Variants in EYA2 observed in about 807,000 individuals in gnomAD.
The protein encoded by EYA2 is protein phosphatase EYA2.
In EYA2, 31 loss-of-function variants were observed where a neutral mutation model predicts 69.2. That is an observed-to-expected ratio of 0.45 (90% CI 0.34 to 0.60). The LOEUF (loss-of-function observed/expected upper bound fraction) is 0.60. Among genes scored for constraint, EYA2 ranks in the 20% least tolerant of loss-of-function variants. EYA2 has a pLI of 0.02. For missense variants in EYA2, 622 were observed against 701.2 expected (o/e 0.89, Z 1.28); for synonymous variants, 257 against 279.4 (o/e 0.92, Z 0.80).
chr20:47,090,388 C>T (rs62201363), intron 8 of EYA2, among the ~76,000 whole-genome samples: 13,666 of 152,096 alleles, frequency 0.09, 808 homozygotes, highest in Middle Eastern at 0.16. Flanking sequence ...TACAGGTGCA[C>T]GCCACCATGC....
At chr20:46,898,214 G>C (rs1016189573) in intron 1 of EYA2, among the ~76,000 whole-genome samples, 1 of 148,656 alleles carries the variant, frequency 6.7e-6, no homozygotes, top group Non-Finnish European at 1.5e-5. Flanking sequence ...ACTGGGTTTT[G>C]TTGGTGGAAG....
chr20:46,927,238 G>A (rs1005445843), intron 1 of EYA2, among the ~76,000 whole-genome samples: 2 of 152,198 alleles, frequency 1.3e-5, no homozygotes, highest in African/African-American at 4.8e-5. Context: ...CCCTCAGTCA[G>A]GAAAATTACC....
chr20:47,137,447 A>G (rs947651729), intron 9 of EYA2, among the ~76,000 whole-genome samples: 1 of 152,174 alleles, frequency 6.6e-6, no homozygotes, highest in Non-Finnish European at 1.5e-5. Context: ...CCTCACTGCA[A>G]TGTTAGGTCT....
chr20:47,030,905 C>T (rs981387762), intron 5 of EYA2, among the ~76,000 whole-genome samples: 1 of 152,180 alleles, frequency 6.6e-6, no homozygotes, highest in African/African-American at 2.4e-5. Flanking sequence ...TACAGGTGCA[C>T]ACCAGGCTGC....
At chr20:47,007,807 C>CG (rs1325738445) in intron 4 of EYA2, among the ~76,000 whole-genome samples, 10 of 151,370 alleles carry the variant, frequency 6.6e-5, no homozygotes, top group Admixed American at 5.3e-4. Flanking sequence ...TTTGTAGAGA[C>CG]GGGGGGTGGG....
At chr20:47,099,208 C>T (rs1362229914) in intron 9 of EYA2, among the ~76,000 whole-genome samples, 1 of 152,220 alleles carries the variant, frequency 6.6e-6, no homozygotes, top group Non-Finnish European at 1.5e-5. Context: ...GCGTTGAAGG[C>T]TTTTCCTGGA....
At chr20:46,985,695 A>T (rs898333712) in intron 1 of EYA2, among the ~76,000 whole-genome samples, 2 of 152,210 alleles carry the variant, frequency 1.3e-5, no homozygotes, top group Non-Finnish European at 2.9e-5. Flanking sequence ...TGGAGCCCAT[A>T]TGCCTTGACT....
intron 5 of EYA2, among the ~76,000 whole-genome samples, chr20:47,049,860 A>ACCCC (rs57648069): frequency 1.3e-4 from 17 of 126,308 alleles, no homozygotes; most frequent in African/African-American, 3.3e-4. Flanking sequence ...TCTGTGACAG[A>ACCCC]CCCCCCCCCC....
At chr20:46,960,877 G>A (rs1336148032) in intron 1 of EYA2, among the ~76,000 whole-genome samples, 2 of 152,250 alleles carry the variant, frequency 1.3e-5, no homozygotes, top group East Asian at 3.9e-4. Flanking sequence ...TGCTGGAGCA[G>A]CAGCACATCA....
chr20:47,007,340 G>A (rs1982779578), intron 4 of EYA2, among the ~76,000 whole-genome samples: 2 of 152,328 alleles, frequency 1.3e-5, no homozygotes, highest in Middle Eastern at 3.4e-3. Context: ...AATAAGGAGC[G>A]AAATTCAGCT....
intron 1 of EYA2, among the ~76,000 whole-genome samples, chr20:46,912,695 T>C (rs1984704351): frequency 6.7e-6 from 1 of 148,648 alleles, no homozygotes; most frequent in African/African-American, 2.5e-5. Context: ...TAATTTTTTT[T>C]TTTTTTCTTT....
At chr20:47,025,958 G>T (rs1568731578) in intron 5 of EYA2, among the ~76,000 whole-genome samples, 1 of 152,212 alleles carries the variant, frequency 6.6e-6, no homozygotes, top group Non-Finnish European at 1.5e-5. Flanking sequence ...TGACTGATTT[G>T]TATTTCCTTT....
At chr20:46,952,215 C>A (rs1412267868) in intron 1 of EYA2, among the ~76,000 whole-genome samples, 1 of 151,890 alleles carries the variant, frequency 6.6e-6, no homozygotes, top group African/African-American at 2.4e-5. Flanking sequence ...CTGAGAGGGG[C>A]AGGGAGAGCC....
intron 5 of EYA2, among the ~76,000 whole-genome samples, chr20:47,065,068 T>C (rs1210031129): frequency 2.0e-5 from 3 of 152,188 alleles, no homozygotes; most frequent in Non-Finnish European, 2.9e-5. Context: ...AACTCCCCTT[T>C]ATAAAACCAT....
At chr20:47,148,058 CAAA>C (rs1264883844) in intron 10 of EYA2, among the ~76,000 whole-genome samples, 6 of 82,796 alleles carry the variant, frequency 7.2e-5, no homozygotes, top group Non-Finnish European at 7.3e-5. Flanking sequence ...GACTCTGTCT[CAAA>C]AAAAAAAAAA....
intron 10 of EYA2, among the ~76,000 whole-genome samples, chr20:47,151,170 T>G (rs1237630879): frequency 6.6e-6 from 1 of 151,918 alleles, no homozygotes; most frequent in Admixed American, 6.6e-5. Flanking sequence ...CAGGAGTTCA[T>G]GACCAGCCTG....
At chr20:46,948,280 G>A (rs955409962) in intron 1 of EYA2, among the ~76,000 whole-genome samples, 7 of 152,168 alleles carry the variant, frequency 4.6e-5, no homozygotes, top group African/African-American at 1.7e-4. Context: ...CAGTTGTCAC[G>A]TAAAAACAGT....
At chr20:46,908,454 C>G (rs1487950815) in intron 1 of EYA2, among the ~76,000 whole-genome samples, 1 of 152,212 alleles carries the variant, frequency 6.6e-6, no homozygotes. Context: ...AAGATGAGGC[C>G]AGTTCTGGTA....
chr20:47,072,231 C>G lies in EYA2; in HGVS notation c.462C>G (p.Ala154=). The change falls in exon 6 of 16, where the codon GCC becomes GCG. Residue 154 remains alanine (A), a synonymous_variant. Coordinates refer to ENST00000327619, the MANE Select transcript of EYA2 (RefSeq NM_005244.5). ...YQGGNGLGNA[A]GFGSVHQDYP... ...GAGGAAATGGACTGGGCAACGCAGC[C>G]GGTTTCGGGAGTGTGCACCAGGTAG... The G allele has an allele frequency of 6.2e-7, 1 of 1,612,530 alleles. No individual in the cohort carries two copies. The highest frequency in any genetic ancestry group is 8.5e-7 in the Non-Finnish European group (1 of 1,179,242).
Sources: gnomAD v4.1 joint callset for allele counts (sites outside exome capture counted in the v4.1 genomes callset) on GRCh38, gnomAD v4.1.1 for gene constraint, MANE v1.5 for transcripts, NCBI Gene and HGNC (gene_info 2026-07-23, HGNC 2026-07-21) for gene names.